The following FTO variants were observed in gnomAD, a reference collection of about 807,000 sequenced individuals.
FTO encodes FTO alpha-ketoglutarate dependent dioxygenase, also known as alpha-ketoglutarate-dependent dioxygenase FTO.
FTO carries 47 observed loss-of-function variants against 63.9 expected under a neutral mutation model. That is an observed-to-expected ratio of 0.74 (90% CI 0.58 to 0.94). FTO has a LOEUF of 0.94. FTO is among the 40% of genes least tolerant of loss of function. FTO has a pLI of 0.00. For missense variants in FTO, 562 were observed against 618.1 expected (o/e 0.91, Z 0.96); for synonymous variants, 207 against 224.4 (o/e 0.92, Z 0.69).
At chr16:53,937,379 T>C (rs2082413898) in intron 8 of FTO, 1 of 397,444 alleles carries the variant, frequency 2.5e-6, no homozygotes. Context: ...CAGCTTGTTA[T>C]AGCTTTTAAA....
intron 8 of FTO, among the ~76,000 whole-genome samples, chr16:54,078,567 A>G: frequency 6.6e-6 from 1 of 152,012 alleles, no homozygotes; most frequent in South Asian, 2.1e-4. Flanking sequence ...TCGTTTCTGG[A>G]GTCAATTCAT....
chr16:54,105,063 C>T (rs2086720108), intron 8 of FTO, among the ~76,000 whole-genome samples: 1 of 152,154 alleles, frequency 6.6e-6, no homozygotes, highest in East Asian at 1.9e-4. Flanking sequence ...AGCAGAGAAG[C>T]ATTAACTTCA....
chr16:54,100,298 A>G (rs1335286834), intron 8 of FTO, among the ~76,000 whole-genome samples: 1 of 152,196 alleles, frequency 6.6e-6, no homozygotes, highest in Non-Finnish European at 1.5e-5. Flanking sequence ...GAGGACAAAC[A>G]TTTTAATAGA....
intron 8 of FTO, among the ~76,000 whole-genome samples, chr16:53,950,230 G>A (rs903168844): frequency 2.0e-5 from 3 of 146,768 alleles, no homozygotes; most frequent in African/African-American, 5.0e-5. Flanking sequence ...TTAATTATGA[G>A]GTAAAAAAAC....
intron 8 of FTO, among the ~76,000 whole-genome samples, chr16:53,947,757 T>G (rs796405500): frequency 3.3e-5 from 5 of 152,346 alleles, no homozygotes; most frequent in African/African-American, 9.6e-5. Flanking sequence ...CATTATTATT[T>G]TTAATGACTG....
intron 8 of FTO, among the ~76,000 whole-genome samples, chr16:53,936,603 C>A (rs1407939196): frequency 6.6e-6 from 1 of 152,158 alleles, no homozygotes; most frequent in Non-Finnish European, 1.5e-5. Flanking sequence ...TAGAGATTGG[C>A]CTATTGTGTA....
chr16:54,033,520 T>C (rs1347057735), intron 8 of FTO, among the ~76,000 whole-genome samples: 1 of 152,200 alleles, frequency 6.6e-6, no homozygotes, highest in Non-Finnish European at 1.5e-5. Flanking sequence ...AATTTGTCTT[T>C]GTAAAGGTCA....
intron 8 of FTO, chr16:54,064,055 C>T (rs2085660019): frequency 6.6e-6 from 1 of 151,370 alleles, no homozygotes; most frequent in South Asian, 2.1e-4. Flanking sequence ...TGGAATTGTA[C>T]TTCATCTATT....
intron 7 of FTO, among the ~76,000 whole-genome samples, chr16:53,900,608 CTTTTTTTTTTTTTTTTT>C (rs752080961): frequency 3.0e-5 from 2 of 67,160 alleles, no homozygotes; most frequent in Non-Finnish European, 2.6e-5. Context: ...TCATCTGCTC[CTTTTTTTTTTTTTTTTT>C]TTTTTTTTTT....
Position 54,058,653 on chromosome 16 carries a change from C to T in FTO, c.1365-53109C>T, listed in dbSNP as rs550718390. Among the ~76,000 whole-genome samples, 6 of 152,190 alleles carry T rather than the reference C, an allele frequency of 3.9e-5. No individual in the cohort carries two copies. In the South Asian group the frequency reaches 1.2e-3, roughly 31 times the overall value. The stretch of plus-strand genomic sequence containing the variant: ...AGCAATAAAATGCTGATACCATCCT[C>T]CTGCAGGTATAACTGATTTAAGTGG... On this transcript the variant is annotated intron_variant, in intron 8 of 8. Transcript: ENST00000471389.
chr16:54,103,537 G>A (rs1185600403), intron 8 of FTO, among the ~76,000 whole-genome samples: 1 of 152,208 alleles, frequency 6.6e-6, no homozygotes, highest in South Asian at 2.1e-4. Context: ...GAGGTTAAAA[G>A]CCTTTCAAAG....
rs577075661 is a variant in FTO at position 53,996,974 on chromosome 16, G to A, written c.1364+62865G>A. On this transcript the variant is annotated intron_variant, in intron 8 of 8. Coordinates refer to ENST00000471389, the MANE Select transcript of FTO (RefSeq NM_001080432.3). Reference sequence around the variant, plus strand: ...AAATACAAAAAAAATTTAGCCTGGCGTGGTGGCGGGTGCCTGTAATCTCAG... The same window carrying A: ...AAATACAAAAAAAATTTAGCCTGGCATGGTGGCGGGTGCCTGTAATCTCAG... 2.3e-3 allele frequency among the ~76,000 whole-genome samples: 346 copies of A among 152,136 alleles called. 3 individuals carry two copies. The highest frequency in any genetic ancestry group is 7.0e-3 in the African/African-American group (289 of 41,516).
intron 1 of FTO, among the ~76,000 whole-genome samples, chr16:53,789,073 A>T (rs2077826794): frequency 6.6e-6 from 1 of 152,238 alleles, no homozygotes; most frequent in African/African-American, 2.4e-5. Flanking sequence ...CTACATATGT[A>T]AAACATGAAG....
chr16:53,912,719 T>C (rs1028778569), intron 7 of FTO, among the ~76,000 whole-genome samples: 1 of 152,192 alleles, frequency 6.6e-6, no homozygotes, highest in African/African-American at 2.4e-5. Flanking sequence ...AGATGAGAAG[T>C]AGATCTCTCA....
chr16:53,971,498 G>A (rs949037903), intron 8 of FTO, among the ~76,000 whole-genome samples: 9 of 152,220 alleles, frequency 5.9e-5, no homozygotes, highest in Non-Finnish European at 8.8e-5. Context: ...TGCATTTCTT[G>A]AGGTTTTCCC....
intron 8 of FTO, among the ~76,000 whole-genome samples, chr16:54,108,049 C>G (rs548330433): frequency 6.6e-6 from 1 of 152,284 alleles, no homozygotes; most frequent in South Asian, 2.1e-4. Flanking sequence ...TAGTCCCACC[C>G]ACATCAAGTC....
chr16:54,114,445 A>T lies in FTO; in HGVS notation c.*2530A>T, dbSNP rs1174474476. 1 of 152,220 alleles carries T rather than the reference A, an allele frequency of 6.6e-6. No homozygotes were observed. Among genetic ancestry groups the T allele is most frequent in the Non-Finnish European group, 1.5e-5 (1 of 68,060 alleles). The allele number at this position is 152,220 out of a possible 1,614,324, so 9.4% of individuals were successfully genotyped here. ...AATATTCATATCCAATAAACATATT[A>T]AAAGGATGAGATAAGAAACCGAGAG... On this transcript the variant is annotated 3_prime_UTR_variant, in exon 9 of 9. Coordinates refer to ENST00000471389, the MANE Select transcript of FTO (RefSeq NM_001080432.3).
chr16:54,067,341 T>C (rs1164588973), intron 8 of FTO, among the ~76,000 whole-genome samples: 5 of 152,234 alleles, frequency 3.3e-5, no homozygotes, highest in Admixed American at 6.5e-5. Context: ...TATTTATGGC[T>C]CAGAGAAATG....
rs553119338 is a variant in FTO, at chr16:53,905,440, G to T, written c.1239+16489G>T. Among the ~76,000 whole-genome samples, 4 of 152,208 alleles carry T rather than the reference G, an allele frequency of 2.6e-5. No individual in the cohort carries two copies. The East Asian group carries it at 5.8e-4, about 22-fold the overall frequency. On this transcript the variant is annotated intron_variant, in intron 7 of 8. Coordinates refer to ENST00000471389, the MANE Select transcript of FTO (RefSeq NM_001080432.3). ...TAATACATGTAGTGTTTTGTCCATTGCCTGGCATCTTTTGCATTTTTGCTT... is the reference window on the plus strand; with the variant it reads ...TAATACATGTAGTGTTTTGTCCATTTCCTGGCATCTTTTGCATTTTTGCTT...
Sources: allele counts gnomAD v4.1 joint callset (sites outside exome capture counted in the v4.1 genomes callset), GRCh38; gene constraint gnomAD v4.1.1; transcripts MANE v1.5; gene names NCBI Gene and HGNC (gene_info 2026-07-23, HGNC 2026-07-21).